HSF2: variants seen among roughly 807,000 people sequenced by gnomAD.
The protein encoded by HSF2 is heat shock transcription factor 2.
In HSF2, 21 loss-of-function variants were observed where a neutral mutation model predicts 65.0. That is an observed-to-expected ratio of 0.32 (90% CI 0.23 to 0.47). The LOEUF (loss-of-function observed/expected upper bound fraction) is 0.47. Ranked by LOEUF, HSF2 falls within the 20% of genes least tolerant of loss-of-function variation. The pLI is 1.00. For synonymous variants in HSF2, 225 were observed against 219.1 expected, an observed-to-expected ratio of 1.03 and a Z score of -0.24; for missense variants, 499 against 628.1, an observed-to-expected ratio of 0.79 and a Z score of 2.20.
chr6:122,422,247 A>T lies in HSF2; in HGVS notation c.779A>T (p.Asn260Ile). ...DVTDDNADEE[N>I]IPVIPETNED... ...ACTGATGATAATGCAGATGAAGAAA[A>T]TATCCCAGTTATTCCAGAAACTAAT... The change falls in exon 8 of 13, where the codon AAT becomes ATT. Residue 260 changes from asparagine to isoleucine, a missense_variant. Around this residue, in one of 2 missense-constraint regions of HSF2, gnomAD observed 349 missense variants for 393.5 expected, o/e 0.89. Transcript: ENST00000368455. 6.2e-7 allele frequency: 1 copy of T among 1,600,798 alleles called. No homozygotes were observed. Among genetic ancestry groups the T allele is most frequent in the Non-Finnish European group, 8.6e-7 (1 of 1,168,574 alleles).
chr6:122,405,492 A>G (rs1222696681), intron 1 of HSF2, among the ~76,000 whole-genome samples: 1 of 152,210 alleles, frequency 6.6e-6, no homozygotes, highest in Non-Finnish European at 1.5e-5. Flanking sequence ...GCCACTACTG[A>G]TAGGGCTGAG....
chr6:122,413,476 T>A (rs1774046577), intron 3 of HSF2, 49 bp from the exon 4 acceptor site: 1 of 1,392,364 alleles, frequency 7.2e-7, no homozygotes, highest in South Asian at 1.3e-5. Flanking sequence ...TGAATTACAA[T>A]CATGGGTGTT....
chr6:122,422,040 A>C, intron 7 of HSF2, 110 bp from the exon 8 acceptor site: 2 of 716,590 alleles, frequency 2.8e-6, no homozygotes, highest in East Asian at 2.6e-5. Context: ...CCTGTTTTGC[A>C]TACCCCGAGA....
chr6:122,401,438 T>C (rs749397460), intron 1 of HSF2, among the ~76,000 whole-genome samples: 3 of 152,236 alleles, frequency 2.0e-5, no homozygotes, highest in Non-Finnish European at 4.4e-5. Flanking sequence ...AGGGGCTATA[T>C]ATATTGGCAG....
intron 7 of HSF2, among the ~76,000 whole-genome samples, chr6:122,421,600 A>G (rs1178619286): frequency 6.6e-6 from 1 of 152,000 alleles, no homozygotes. Flanking sequence ...TGATTAATAC[A>G]GCTGTAGCCT....
At chr6:122,411,640 G>A (rs1473054353) in intron 1 of HSF2, among the ~76,000 whole-genome samples, 1 of 151,688 alleles carries the variant, frequency 6.6e-6, no homozygotes, top group African/African-American at 2.4e-5. Flanking sequence ...TCATTTTTTT[G>A]TATGTAGATA....
At position 122,423,665 on chromosome 6, in the gene HSF2, A is replaced by T; in HGVS notation, c.1155A>T (p.Ile385=). 2 of 1,604,846 alleles carry T rather than the reference A, an allele frequency of 1.2e-6. No individual in the cohort carries two copies. The highest frequency in any genetic ancestry group is 2.2e-5 in the South Asian group (2 of 90,368). The change falls in exon 10 of 13, where the codon ATA becomes ATT. Residue 385 remains isoleucine (I), a synonymous_variant. Transcript: ENST00000368455. Reference sequence around the variant, plus strand: ...TGCTATCAGGAAGACAATTTAGCATAGACCCAGATCTCCTGGTTGATGTAG... The same window carrying T: ...TGCTATCAGGAAGACAATTTAGCATTGACCCAGATCTCCTGGTTGATGTAG... ...QAMLSGRQFS[I]DPDLLVDLFT...
rs377707069 is a variant in HSF2, at chr6:122,432,024, A to C, written c.1415A>C (p.Glu472Ala). Residue 472 changes from glutamate (E) to alanine (A), a missense_variant, in exon 13 of 13, where the codon GAA (glutamate) becomes GCA (alanine). Glu to Ala is a moderately radical substitution (Grantham distance 107). Coordinates refer to ENST00000368455, the MANE Select transcript of HSF2 (RefSeq NM_004506.4). ...CAGGCGAGTACAACAGCATCATCAGAAGTTTTGTCCTCTGTAGATAAACCC... is the reference window on the plus strand; with the variant it reads ...CAGGCGAGTACAACAGCATCATCAGCAGTTTTGTCCTCTGTAGATAAACCC... ...VEQASTTASS[E>A]VLSSVDKPIE... 8.7e-6 allele frequency: 14 copies of C among 1,613,888 alleles called. No individual in the cohort carries two copies. Among genetic ancestry groups the C allele is most frequent in the Non-Finnish European group, 1.1e-5 (13 of 1,179,930 alleles).
At chr6:122,420,913 T>C (rs1582616931) in intron 7 of HSF2, among the ~76,000 whole-genome samples, 1 of 151,534 alleles carries the variant, frequency 6.6e-6, no homozygotes, top group African/African-American at 2.4e-5. Context: ...ATTTTCATCA[T>C]GTCACCTTTG....
In HSF2 at chr6:122,419,365, T is replaced by G. The variant is rs899413722; in HGVS notation, c.593+136T>G. 7.0e-5 allele frequency: 36 copies of G among 512,720 alleles called. No individual in the cohort carries two copies. In the African/African-American group the frequency reaches 7.2e-4, roughly 10 times the overall value. The allele number at this position is 512,720 out of a possible 1,614,324, so 31.8% of individuals were successfully genotyped here. ...ACAATTCTCCTTTGTTAAATTATAC[T>G]CTTAAAATCTCTAGAGTAGTATTAT... is the stretch of plus-strand genomic sequence containing the variant. On this transcript the variant is annotated intron_variant, in intron 6 of 12. Coordinates refer to ENST00000368455, the MANE Select transcript of HSF2 (RefSeq NM_004506.4).
chr6:122,428,362 G>A (rs1774383027), intron 11 of HSF2, among the ~76,000 whole-genome samples: 2 of 151,802 alleles, frequency 1.3e-5, no homozygotes, highest in Non-Finnish European at 2.9e-5. Context: ...TTAGCATAAA[G>A]TAAAAATTCA....
At chr6:122,413,888 C>T (rs1188157982) in intron 4 of HSF2, among the ~76,000 whole-genome samples, 3 of 151,992 alleles carry the variant, frequency 2.0e-5, no homozygotes, top group African/African-American at 7.2e-5. Flanking sequence ...CTAAGCGTAT[C>T]AAAACAGTTT....
rs1260901066 is a variant in HSF2 at position 122,433,100 on chromosome 6, C to T, written c.*880C>T. Reference sequence around the variant, plus strand: ...ATACCAAGATATTTGTGCCTCATCTCGAAAATATATTGTATATTGCAACAA... The same window carrying T: ...ATACCAAGATATTTGTGCCTCATCTTGAAAATATATTGTATATTGCAACAA... On this transcript the variant is annotated 3_prime_UTR_variant, in exon 13 of 13. Coordinates refer to ENST00000368455, the MANE Select transcript of HSF2 (RefSeq NM_004506.4). 6.6e-6 allele frequency: 1 copy of T among 151,996 alleles called. No homozygotes were observed. Among genetic ancestry groups the T allele is most frequent in the Non-Finnish European group, 1.5e-5 (1 of 68,000 alleles). 9.4% of individuals were successfully genotyped at this position (151,996 alleles called of 1,614,324 possible).
intron 9 of HSF2, 83 bp from the exon 10 acceptor site, chr6:122,423,498 G>A (rs1582618800): frequency 3.3e-6 from 2 of 600,562 alleles, no homozygotes; most frequent in East Asian, 6.2e-5. Flanking sequence ...GAAATATCTT[G>A]CCTAGCCAAG....
chr6:122,405,726 A>G (rs563707472), intron 1 of HSF2, among the ~76,000 whole-genome samples: 1 of 152,244 alleles, frequency 6.6e-6, no homozygotes, highest in South Asian at 2.1e-4. Context: ...TTTAAATAGA[A>G]CACAGCTATG....
At chr6:122,418,848 T>C (rs1307849148) in intron 5 of HSF2, among the ~76,000 whole-genome samples, 1 of 152,152 alleles carries the variant, frequency 6.6e-6, no homozygotes, top group East Asian at 1.9e-4. Context: ...TGTTACCTGG[T>C]ATAAGAAAAA....
At chr6:122,419,919 A>AGT (rs557754829) in intron 6 of HSF2, among the ~76,000 whole-genome samples, 36 of 152,312 alleles carry the variant, frequency 2.4e-4, no homozygotes, top group African/African-American at 8.7e-4. Flanking sequence ...TAACAAAAAG[A>AGT]GTGTAGAAAA....
chr6:122,432,070 G>T lies in HSF2; in HGVS notation c.1461G>T (p.Leu487=). Residue 487 remains leucine, a synonymous_variant, in exon 13 of 13, where the codon CTG becomes CTT. Coordinates refer to ENST00000368455, the MANE Select transcript of HSF2 (RefSeq NM_004506.4). The part of the protein sequence containing the change: ...VDKPIEVDEL[L]DSSLDPEPTQ... ...AACCCATAGAAGTTGATGAGCTTCT[G>T]GATAGCAGCCTAGACCCAGAACCAA... 6.2e-7 allele frequency: 1 copy of T among 1,614,100 alleles called. No individual in the cohort carries two copies. The highest frequency in any genetic ancestry group is 8.5e-7 in the Non-Finnish European group (1 of 1,179,994).
rs1582610302 is a variant in HSF2, at chr6:122,412,408, A to T, written c.129A>T (p.Arg43=). Residue 43 remains arginine (R), a synonymous_variant, in exon 2 of 13, where the codon CGA becomes CGT. Coordinates refer to ENST00000368455, the MANE Select transcript of HSF2 (RefSeq NM_004506.4). ...GTTTTCTGGTCTTGGATGAGCAACG[A>T]TTTGCAAAAGAAATTCTTCCCAAAT... is the stretch of plus-strand genomic sequence containing the variant. The part of the protein sequence containing the change: ...GQSFLVLDEQ[R]FAKEILPKYF... 6 of 1,612,548 alleles carry T rather than the reference A, an allele frequency of 3.7e-6. No homozygotes were observed. The East Asian group carries it at 1.3e-4, about 36-fold the overall frequency.
Sources: allele counts gnomAD v4.1 joint callset (sites outside exome capture counted in the v4.1 genomes callset), GRCh38; gene constraint gnomAD v4.1.1; regional missense constraint gnomAD v4.1.1; transcripts MANE v1.5; gene names NCBI Gene and HGNC (gene_info 2026-07-23, HGNC 2026-07-21).